The following CCDC192 variants were observed in gnomAD, a reference collection of about 807,000 sequenced individuals.
CCDC192 encodes coiled-coil domain containing 192.
chr5:127,821,102 AC>A (rs1749269019), intron 5 of CCDC192, among the ~76,000 whole-genome samples: 1 of 152,210 alleles, frequency 6.6e-6, no homozygotes, highest in Non-Finnish European at 1.5e-5. Flanking sequence ...GTGATGACTA[AC>A]AGCTAGTGGT....
chr5:127,763,733 A>G (rs1483192389), intron 3 of CCDC192, among the ~76,000 whole-genome samples: 1 of 151,820 alleles, frequency 6.6e-6, no homozygotes, highest in Non-Finnish European at 1.5e-5. Context: ...ATCCTCTCTC[A>G]CCTTTCTAAT....
At chr5:127,707,482 A>G (rs1243064772) in intron 1 of CCDC192, among the ~76,000 whole-genome samples, 1 of 152,100 alleles carries the variant, frequency 6.6e-6, no homozygotes, top group Non-Finnish European at 1.5e-5. Flanking sequence ...ACTTATTCTC[A>G]AGAGAACTTT....
chr5:127,826,532 A>G (rs1239869825), intron 5 of CCDC192, among the ~76,000 whole-genome samples: 5 of 151,536 alleles, frequency 3.3e-5, no homozygotes, highest in Non-Finnish European at 5.9e-5. Context: ...CAACCCATCA[A>G]CAGTGGATTG....
chr5:127,735,127 G>A (rs1394327230), intron 2 of CCDC192, among the ~76,000 whole-genome samples: 2 of 127,754 alleles, frequency 1.6e-5, no homozygotes, highest in Non-Finnish European at 3.2e-5. Context: ...AAGGGATCCA[G>A]TTTCAGCTTT....
chr5:127,831,708 A>G (rs974187660), intron 5 of CCDC192, among the ~76,000 whole-genome samples: 2 of 152,066 alleles, frequency 1.3e-5, no homozygotes, highest in Non-Finnish European at 2.9e-5. Flanking sequence ...AAATTCATTA[A>G]TATAAACATA....
chr5:127,851,907 T>G (rs1302417016), intron 5 of CCDC192, among the ~76,000 whole-genome samples: 2 of 152,366 alleles, frequency 1.3e-5, no homozygotes, highest in East Asian at 3.9e-4. Flanking sequence ...CCAACTGGTT[T>G]GCCAGAATAC....
chr5:127,734,222 C>G (rs1440553055), intron 2 of CCDC192, among the ~76,000 whole-genome samples: 1 of 151,244 alleles, frequency 6.6e-6, no homozygotes, highest in Non-Finnish European at 1.5e-5. Flanking sequence ...TGATGATTTC[C>G]AATTTCATCC....
Position 127,886,361 on chromosome 5 carries a change from G to A in CCDC192, c.535+10700G>A, listed in dbSNP as rs78936554. On this transcript the variant is annotated intron_variant, in intron 6 of 6. Transcript: ENST00000514853. Reference sequence around the variant, plus strand: ...CAAACAAAGGAAGGAGGAGCCCTCAGTCACAGACTGAACTTGTATTATTAT... The same window carrying A: ...CAAACAAAGGAAGGAGGAGCCCTCAATCACAGACTGAACTTGTATTATTAT... 4.0e-3 allele frequency among the ~76,000 whole-genome samples: 603 copies of A among 152,268 alleles called. 2 individuals carry two copies. The highest frequency in any genetic ancestry group is 0.014 in the African/African-American group (580 of 41,540).
intron 6 of CCDC192, among the ~76,000 whole-genome samples, chr5:127,919,203 G>A (rs1243695355): frequency 6.6e-6 from 1 of 151,524 alleles, no homozygotes; most frequent in Non-Finnish European, 1.5e-5. Flanking sequence ...GACTACTCTG[G>A]ATACTTGACT....
At chr5:127,870,526 A>C (rs1013166482) in intron 5 of CCDC192, among the ~76,000 whole-genome samples, 1 of 152,228 alleles carries the variant, frequency 6.6e-6, no homozygotes, top group Non-Finnish European at 1.5e-5. Flanking sequence ...CTGTCTACTC[A>C]CTATACAACA....
intron 2 of CCDC192, among the ~76,000 whole-genome samples, chr5:127,718,283 A>C (rs375648698): frequency 9.9e-5 from 15 of 152,238 alleles, no homozygotes; most frequent in African/African-American, 3.1e-4. Context: ...AACACGTGGC[A>C]CTGAAACAGA....
intron 6 of CCDC192, among the ~76,000 whole-genome samples, chr5:127,902,141 G>C (rs944188309): frequency 6.6e-6 from 1 of 152,076 alleles, no homozygotes; most frequent in African/African-American, 2.4e-5. Context: ...GCATAGTGGT[G>C]CATGCCTGTA....
At chr5:127,702,594 T>C (rs1750751593), upstream of CCDC192, among the ~76,000 whole-genome samples, 1 of 152,252 alleles carries the variant, frequency 6.6e-6, no homozygotes, top group East Asian at 1.9e-4. Flanking sequence ...AAGCAAATTC[T>C]GTGATTAGAA....
intron 5 of CCDC192, among the ~76,000 whole-genome samples, chr5:127,800,446 T>C (rs925126101): frequency 2.8e-5 from 3 of 109,056 alleles, no homozygotes; most frequent in African/African-American, 1.1e-4. Context: ...CAAAGTTAAA[T>C]GGGTTTATTT....
intron 6 of CCDC192, among the ~76,000 whole-genome samples, chr5:127,937,174 G>T (rs901758951): frequency 1.9e-4 from 29 of 152,280 alleles, no homozygotes; most frequent in Middle Eastern, 3.4e-3. Flanking sequence ...TTTAATTTTA[G>T]TATGTCTTTA....
At chr5:127,729,756 G>A (rs1752532209) in intron 2 of CCDC192, among the ~76,000 whole-genome samples, 1 of 152,134 alleles carries the variant, frequency 6.6e-6, no homozygotes. Flanking sequence ...TGAACTACCT[G>A]CTCCTGAATG....
At chr5:127,916,267 CTTG>C (rs1024794520) in intron 6 of CCDC192, among the ~76,000 whole-genome samples, 5 of 152,212 alleles carry the variant, frequency 3.3e-5, no homozygotes, top group African/African-American at 9.6e-5. Flanking sequence ...TTCTAGTTCT[CTTG>C]TTATTTCCAC....
intron 6 of CCDC192, among the ~76,000 whole-genome samples, chr5:127,928,271 A>C (rs892935477): frequency 6.6e-6 from 1 of 152,208 alleles, no homozygotes; most frequent in African/African-American, 2.4e-5. Flanking sequence ...AACAGGTGTC[A>C]CCTGACTAAA....
intron 2 of CCDC192, among the ~76,000 whole-genome samples, chr5:127,744,533 A>C (rs1326323776): frequency 1.3e-5 from 2 of 152,230 alleles, no homozygotes; most frequent in African/African-American, 4.8e-5. Flanking sequence ...TCCAAAACTG[A>C]CCTATGTCAA....
Sources: gnomAD v4.1 joint callset for allele counts (sites outside exome capture counted in the v4.1 genomes callset) on GRCh38, gnomAD v4.1.1 for gene constraint, MANE v1.5 for transcripts, NCBI Gene and HGNC (gene_info 2026-07-23, HGNC 2026-07-21) for gene names.